MYO16: variants seen among roughly 807,000 people sequenced by gnomAD.
The protein encoded by MYO16 is myosin XVI, also known as unconventional myosin-XVI.
MYO16 carries 94 observed loss-of-function variants against 205.3 expected under a neutral mutation model. The observed-to-expected ratio is 0.46, with a 90% confidence interval of 0.39 to 0.54. The LOEUF (loss-of-function observed/expected upper bound fraction) is 0.54, where lower values mean the gene tolerates loss of function less well. Among genes scored for constraint, MYO16 ranks in the 20% least tolerant of loss-of-function variants. The pLI is 0.00. For missense variants in MYO16, 2,315 were observed against 2,387.5 expected (o/e 0.97, Z 0.63); for synonymous variants, 988 against 954.0 (o/e 1.04, Z -0.66).
At position 109,127,550 on chromosome 13, in the gene MYO16, G is replaced by A. The variant is rs1876324593; in HGVS notation, c.4051G>A (p.Ala1351Thr). 6.2e-7 allele frequency: 1 copy of A among 1,608,818 alleles called. No individual in the cohort carries two copies. The highest frequency in any genetic ancestry group is 8.5e-7 in the Non-Finnish European group (1 of 1,179,712). ...CGCGGCCAGGGAAGCGGCCAACGAA[G>A]GTCAGCCCTGGGGAGGGACCCAGCC... ...LSAAREAANE[A>T]LARPRPHSDD... Residue 1351 changes from alanine to threonine, a missense_variant and splice_region_variant, in exon 31 of 35, where the codon GCT becomes ACT. This residue lies in a region of MYO16 where 1,097 missense variants were observed against 1,092.0 expected (regional missense o/e 1.00). Coordinates refer to ENST00000457511, the MANE Select transcript of MYO16 (RefSeq NM_001198950.3). The surrounding 1 kb of genome is among the most constrained non-coding windows in gnomAD (Gnocchi z 4.2).
intron 4 of MYO16, among the ~76,000 whole-genome samples, chr13:108,752,072 A>T (rs76795079): frequency 0.034 from 5,140 of 152,254 alleles, 284 homozygotes; most frequent in African/African-American, 0.12. Context: ...AGAATTGGGA[A>T]TTGAGGACAC....
chr13:108,546,112 C>A, the MYO16 span, among the ~76,000 whole-genome samples: 421 of 152,232 alleles, frequency 2.8e-3, 2 homozygotes, highest in African/African-American at 9.2e-3. Flanking sequence ...ATAAGGCCCC[C>A]AGTTCTCAGT....
At chr13:108,498,305 A>G in the MYO16 span, among the ~76,000 whole-genome samples, 1 of 152,206 alleles carries the variant, frequency 6.6e-6, no homozygotes, top group Non-Finnish European at 1.5e-5. Flanking sequence ...GAAGAGGTCC[A>G]GAAGACTTAG....
Position 109,141,495 on chromosome 13 carries a change from G to C in MYO16, c.5164+119G>C, listed in dbSNP as rs1338770640. The C allele has an allele frequency of 3.0e-6, 2 of 672,074 alleles. No homozygotes were observed. The highest frequency in any genetic ancestry group is 4.5e-6 in the Non-Finnish European group (2 of 446,108). The allele number at this position is 672,074 out of a possible 1,614,324, so 41.6% of individuals were successfully genotyped here. ...AAAGTTTCAGGTGATGGCCGTGGTC[G>C]TTCAGAGCAGATATCAGCTTTAAAA... is the stretch of plus-strand genomic sequence containing the variant. On this transcript the variant is annotated intron_variant, in intron 32 of 34. Coordinates refer to ENST00000457511, the MANE Select transcript of MYO16 (RefSeq NM_001198950.3). The surrounding 1 kb of genome is among the most constrained non-coding windows in gnomAD (Gnocchi z 4.1).
At chr13:108,505,823 T>C in the MYO16 span, among the ~76,000 whole-genome samples, 5 of 148,912 alleles carry the variant, frequency 3.4e-5, no homozygotes, top group African/African-American at 5.0e-5. Context: ...CTTTAATCCA[T>C]TTTGAGTTGT....
rs191780640 is a variant in MYO16, at chr13:108,600,888, A to G, written c.-39+4649A>G. Among the ~76,000 whole-genome samples, 272 of 152,248 alleles carry G rather than the reference A, an allele frequency of 1.8e-3. 1 individual carries two copies. Among genetic ancestry groups the G allele is most frequent in the Non-Finnish European group, 3.4e-3 (232 of 67,998 alleles). On this transcript the variant is annotated intron_variant, in intron 1 of 24. Coordinates refer to the MYO16 transcript ENST00000251041. ...AAAGTAAATAAGCTTTTCCAACTTTATATTTTCCAGCAGGTCTTATTGAAA... is the reference window on the plus strand; with the variant it reads ...AAAGTAAATAAGCTTTTCCAACTTTGTATTTTCCAGCAGGTCTTATTGAAA...
chr13:109,041,813 A>G (rs1886891983), intron 23 of MYO16, among the ~76,000 whole-genome samples: 1 of 152,116 alleles, frequency 6.6e-6, no homozygotes, highest in South Asian at 2.1e-4. Flanking sequence ...ACATGTAGAC[A>G]CAATAAAGGG....
At chr13:108,761,282 T>C (rs1261410438) in intron 4 of MYO16, among the ~76,000 whole-genome samples, 1 of 152,124 alleles carries the variant, frequency 6.6e-6, no homozygotes, top group Non-Finnish European at 1.5e-5. Flanking sequence ...GATGCGGCAG[T>C]GCTCTGATGT....
At chr13:108,599,336 T>C (rs1159657992) in intron 1 of MYO16, among the ~76,000 whole-genome samples, 2 of 149,002 alleles carry the variant, frequency 1.3e-5, no homozygotes, top group African/African-American at 5.0e-5. Context: ...GCATGATTTA[T>C]AGTCCTTTGG....
intron 16 of MYO16, among the ~76,000 whole-genome samples, chr13:108,938,048 TTTTC>T (rs966894008): frequency 1.3e-5 from 2 of 152,188 alleles, no homozygotes; most frequent in Non-Finnish European, 2.9e-5. Flanking sequence ...CATGTGTTTT[TTTTC>T]TTTCTTTCCC....
chr13:109,034,070 A>T (rs1886632586), intron 23 of MYO16, among the ~76,000 whole-genome samples: 1 of 151,986 alleles, frequency 6.6e-6, no homozygotes, highest in African/African-American at 2.4e-5. Flanking sequence ...TACCTTGAAG[A>T]AAAAAGACAT....
intron 2 of MYO16, among the ~76,000 whole-genome samples, chr13:108,678,316 A>G (rs1318890908): frequency 6.6e-6 from 1 of 152,192 alleles, no homozygotes; most frequent in Non-Finnish European, 1.5e-5. Context: ...TCTCAAGATC[A>G]TTACTCTTTC....
chr13:109,165,026 A>G lies in MYO16; in HGVS notation c.5290A>G (p.Ile1764Val), dbSNP rs1214003114. 1.9e-6 allele frequency: 3 copies of G among 1,595,810 alleles called. No individual in the cohort carries two copies. Among genetic ancestry groups the G allele is most frequent in the Non-Finnish European group, 1.7e-6 (2 of 1,173,812 alleles). Residue 1764 changes from isoleucine (I) to valine (V), a missense_variant, in exon 33 of 35, where the codon ATA becomes GTA. This residue lies in a region of MYO16 where 1,097 missense variants were observed against 1,092.0 expected (regional missense o/e 1.00). Coordinates refer to ENST00000457511, the MANE Select transcript of MYO16 (RefSeq NM_001198950.3). ...IQLSNSLSSA[I>V]TAENGNSISN... ...GTTATCTAATTCACTATCTAGTGCT[A>G]TAACTGCTGAAAATGGAAATTCCAT...
At position 109,206,070 on chromosome 13, in the gene MYO16, G is replaced by C. The variant is rs571904152; in HGVS notation, c.5416-539G>C. On this transcript the variant is annotated intron_variant, in intron 34 of 34. Transcript: ENST00000457511. The stretch of plus-strand genomic sequence containing the variant: ...TTCTACATGAGTGTGGTGTGATTGT[G>C]TATTGTCTATGAACGGACCCTCATG... Among the ~76,000 whole-genome samples the C allele has an allele frequency of 7.2e-5, 11 of 152,282 alleles. No individual in the cohort carries two copies. The South Asian group carries it at 2.3e-3, about 32-fold the overall frequency.
chr13:108,594,845 T>A (rs905900899), upstream of MYO16, among the ~76,000 whole-genome samples: 1 of 152,210 alleles, frequency 6.6e-6, no homozygotes, highest in Admixed American at 6.5e-5. Context: ...ATCTCTGCAT[T>A]GGGAAATGAG....
chr13:108,552,910 GC>G, the MYO16 span, among the ~76,000 whole-genome samples: 1 of 151,184 alleles, frequency 6.6e-6, no homozygotes, highest in Non-Finnish European at 1.5e-5. Context: ...GACTGAACTT[GC>G]CCCTTTTAGA....
At chr13:109,060,433 A>G (rs1887554682) in intron 27 of MYO16, among the ~76,000 whole-genome samples, 1 of 151,400 alleles carries the variant, frequency 6.6e-6, no homozygotes, top group African/African-American at 2.4e-5. Context: ...GAGTTGAACA[A>G]TGAAATCACA....
chr13:109,023,695 GTATATATGTATATATA>G (rs1886234571), intron 23 of MYO16, among the ~76,000 whole-genome samples: 1 of 113,460 alleles, frequency 8.8e-6, no homozygotes, highest in Non-Finnish European at 1.8e-5. Context: ...ACATATATAT[GTATATATGTATATATA>G]CAAATATATG....
chr13:108,866,649 G>A lies in MYO16; in HGVS notation c.1425+407G>A, dbSNP rs533265709. Among the ~76,000 whole-genome samples the A allele has an allele frequency of 3.3e-5, 5 of 152,256 alleles. No homozygotes were observed. In the South Asian group the frequency reaches 6.2e-4, roughly 19 times the overall value. ...AAAAAGGGTAATATTGCATGTTTACGTTTTCCCAAATGACTTGCCAAGTGT... is the reference window on the plus strand; with the variant it reads ...AAAAAGGGTAATATTGCATGTTTACATTTTCCCAAATGACTTGCCAAGTGT... On this transcript the variant is annotated intron_variant, in intron 12 of 34. Transcript: ENST00000457511.
Sources: gnomAD v4.1 joint callset for allele counts (sites outside exome capture counted in the v4.1 genomes callset) on GRCh38, gnomAD v4.1.1 for gene constraint, gnomAD v4.1.1 regional missense constraint, Gnocchi (gnomAD v3.1) non-coding constraint, MANE v1.5 for transcripts, NCBI Gene and HGNC (gene_info 2026-07-23, HGNC 2026-07-21) for gene names.